DNAJC16: variants seen among roughly 807,000 people sequenced by gnomAD.
The protein encoded by DNAJC16 is dnaJ homolog subfamily C member 16.
DNAJC16 carries 76 observed loss-of-function variants against 92.7 expected under a neutral mutation model. That is an observed-to-expected ratio of 0.82 (90% CI 0.68 to 0.99). The LOEUF (loss-of-function observed/expected upper bound fraction) is 0.99, where lower values mean the gene tolerates loss of function less well. Ranked by LOEUF, DNAJC16 falls within the 50% of genes least tolerant of loss-of-function variation. The pLI is 0.00. For synonymous variants in DNAJC16, 328 were observed against 358.7 expected (o/e 0.91, Z 0.97); for missense variants, 869 against 942.4 (o/e 0.92, Z 1.02).
At position 15,568,893 on chromosome 1, in the gene DNAJC16, C is replaced by T. The variant is rs983136737; in HGVS notation, c.*716C>T. 1.3e-5 allele frequency: 5 copies of T among 393,742 alleles called. No homozygotes were observed. The highest frequency in any genetic ancestry group is 4.4e-5 in the Admixed American group (1 of 22,542). The allele number at this position is 393,742 out of a possible 1,614,324, so 24.4% of individuals were successfully genotyped here. A position where few individuals can be genotyped will look rare whatever the true frequency, so the allele number is the denominator to read the frequency against. ...TGAGACACGCTGTGAGCATCCCATC[C>T]GCCGCCCCAGCGCTGCTGGTAGCCA... On this transcript the variant is annotated 3_prime_UTR_variant, in exon 15 of 15. Coordinates refer to ENST00000375847, the MANE Select transcript of DNAJC16 (RefSeq NM_015291.4).
rs1234719782 is a variant in DNAJC16 at position 15,552,754 on chromosome 1, T to TTTA, written c.1023+4338_1023+4340dup. Among the ~76,000 whole-genome samples, 26 of 150,960 alleles carry TTTA rather than the reference T, an allele frequency of 1.7e-4. 1 individual carries two copies. Among genetic ancestry groups the TTTA allele is most frequent in the Non-Finnish European group, 2.5e-4 (17 of 67,736 alleles). ...GATATGCCTACCTGTTATGTGTCTT[T>TTTA]TTATTATTATTATTTATTTTTTTTT... On this transcript the variant is annotated intron_variant, in intron 7 of 14. Coordinates refer to ENST00000375847, the MANE Select transcript of DNAJC16 (RefSeq NM_015291.4).
chr1:15,534,064 C>T (rs551464616), intron 2 of DNAJC16, among the ~76,000 whole-genome samples, 173 bp from the exon 3 acceptor site: 2 of 152,310 alleles, frequency 1.3e-5, no homozygotes, highest in East Asian at 3.9e-4. Context: ...TTCAAAGTTT[C>T]ATTTATTATA....
intron 2 of DNAJC16, 75 bp downstream of exon 2, chr1:15,529,347 A>G: frequency 7.1e-7 from 1 of 1,414,234 alleles, no homozygotes; most frequent in Non-Finnish European, 9.6e-7. Flanking sequence ...AATTATGACT[A>G]GCTTTTATTT....
rs116012414 is a variant in DNAJC16, at chr1:15,550,831, C to T, written c.1023+2403C>T. Among the ~76,000 whole-genome samples, 1,305 of 152,300 alleles carry T rather than the reference C, an allele frequency of 8.6e-3. 19 individuals are homozygous for T. Among genetic ancestry groups the T allele is most frequent in the African/African-American group, 0.029 (1,189 of 41,568 alleles). ...ATTGTGTGCTTCACCCCCAATCACT[C>T]GCAGCAAAAACAAACCACTAGATTC... On this transcript the variant is annotated intron_variant, in intron 7 of 14. Transcript: ENST00000375847.
intron 14 of DNAJC16, 69 bp from the exon 15 acceptor site, chr1:15,567,709 G>C: frequency 6.8e-7 from 1 of 1,462,466 alleles, no homozygotes; most frequent in Non-Finnish European, 9.3e-7. Flanking sequence ...TCTCACTGGG[G>C]TATTTATTTT....
chr1:15,547,761 A>G (rs1198103419), intron 6 of DNAJC16, among the ~76,000 whole-genome samples: 1 of 152,056 alleles, frequency 6.6e-6, no homozygotes, highest in Non-Finnish European at 1.5e-5. Flanking sequence ...GTTTGCATAG[A>G]GCAAGATACT....
intron 4 of DNAJC16, among the ~76,000 whole-genome samples, chr1:15,537,570 G>A (rs563815205): frequency 2.8e-4 from 42 of 152,210 alleles, no homozygotes; most frequent in African/African-American, 9.1e-4. Context: ...AGATACCTTC[G>A]TTTGAAACTT....
chr1:15,537,623 C>T (rs773718115), intron 4 of DNAJC16, among the ~76,000 whole-genome samples: 1 of 152,110 alleles, frequency 6.6e-6, no homozygotes, highest in Non-Finnish European at 1.5e-5. Context: ...GTATTAGACA[C>T]TAAAGGATAT....
intron 7 of DNAJC16, among the ~76,000 whole-genome samples, chr1:15,555,960 C>A (rs1469067211): frequency 1.4e-5 from 2 of 144,924 alleles, no homozygotes; most frequent in Non-Finnish European, 3.0e-5. Context: ...CATTGCACTT[C>A]AGCCTGGGCA....
chr1:15,532,371 A>G (rs1710680289), intron 2 of DNAJC16, among the ~76,000 whole-genome samples: 2 of 152,182 alleles, frequency 1.3e-5, no homozygotes, highest in Non-Finnish European at 2.9e-5. Context: ...GCATTGGACA[A>G]TACTTTCCTA....
intron 3 of DNAJC16, 29 bp downstream of exon 3, chr1:15,534,332 A>G (rs778852839): frequency 1.2e-6 from 2 of 1,609,792 alleles, no homozygotes; most frequent in East Asian, 2.2e-5. Flanking sequence ...TGATGCATCC[A>G]TTAGCTCTTA....
Position 15,546,753 on chromosome 1 carries a change from A to C in DNAJC16, c.760-14A>C. On this transcript the variant is annotated splice_polypyrimidine_tract_variant and intron_variant, in intron 5 of 14. Transcript: ENST00000375847. ...AATTAAATATTGAGACTAACATTCT[A>C]TTTTCAATTTAAGGTTACAAATAAA... is the stretch of plus-strand genomic sequence containing the variant. The C allele has an allele frequency of 1.3e-6, 2 of 1,587,804 alleles. No homozygotes were observed. The highest frequency in any genetic ancestry group is 1.1e-5 in the South Asian group (1 of 89,730).
In DNAJC16 at chr1:15,571,294, A is replaced by T. The variant is rs1298117646; in HGVS notation, c.*3117A>T. The T allele has an allele frequency of 5.3e-5, 8 of 152,268 alleles. No homozygotes were observed. Among genetic ancestry groups the T allele is most frequent in the Admixed American group, 5.2e-4 (8 of 15,274 alleles). The allele number at this position is 152,268 out of a possible 1,614,324, so 9.4% of individuals were successfully genotyped here. Reference sequence around the variant, plus strand: ...ATCATTACATAAATATTTTTCTGTTATAAAAAGAAGTGTGATCTGTTTTTT... The same window carrying T: ...ATCATTACATAAATATTTTTCTGTTTTAAAAAGAAGTGTGATCTGTTTTTT... On this transcript the variant is annotated 3_prime_UTR_variant, in exon 15 of 15. Coordinates refer to ENST00000375847, the MANE Select transcript of DNAJC16 (RefSeq NM_015291.4).
chr1:15,553,066 G>A (rs1411742095), intron 7 of DNAJC16, among the ~76,000 whole-genome samples: 4 of 151,594 alleles, frequency 2.6e-5, no homozygotes, highest in Non-Finnish European at 4.4e-5. Context: ...CACCGCGCCC[G>A]GCCTGTCTAT....
intron 6 of DNAJC16, among the ~76,000 whole-genome samples, 169 bp from the exon 7 acceptor site, chr1:15,548,101 G>A (rs1010560012): frequency 1.7e-4 from 26 of 152,076 alleles, no homozygotes; most frequent in African/African-American, 6.3e-4. Flanking sequence ...TACAGTTTTT[G>A]CACATGGAAC....
intron 3 of DNAJC16, among the ~76,000 whole-genome samples, 192 bp downstream of exon 3, chr1:15,534,495 G>A (rs1381355810): frequency 1.3e-5 from 2 of 152,070 alleles, no homozygotes; most frequent in African/African-American, 4.8e-5. Context: ...AGGCCGAGGT[G>A]GGTGGATCAC....
At chr1:15,543,373 G>A (rs1438947486) in intron 4 of DNAJC16, among the ~76,000 whole-genome samples, 2 of 152,214 alleles carry the variant, frequency 1.3e-5, no homozygotes, top group South Asian at 2.1e-4. Context: ...CAGGCTGAAG[G>A]AACAGCCAAG....
rs553455862 is a variant in DNAJC16, at chr1:15,568,779, TGAAAA to T, written c.*604_*608del. 197 of 398,400 alleles carry T rather than the reference TGAAAA, an allele frequency of 4.9e-4. 2 individuals carry two copies. The highest frequency in any genetic ancestry group is 8.2e-4 in the Non-Finnish European group (186 of 226,124). 24.7% of individuals were successfully genotyped at this position (398,400 alleles called of 1,614,324 possible). A position where few individuals can be genotyped will look rare whatever the true frequency, so the allele number is the denominator to read the frequency against. On this transcript the variant is annotated 3_prime_UTR_variant, in exon 15 of 15. Coordinates refer to ENST00000375847, the MANE Select transcript of DNAJC16 (RefSeq NM_015291.4). ...CAACAACAGTTTGTTGGCCACAGGT[TGAAAA>T]GGAAAGGAATAAACGGGAGTTCTGC...
chr1:15,564,196 G>A, intron 10 of DNAJC16, 85 bp downstream of exon 10: 2 of 1,560,692 alleles, frequency 1.3e-6, no homozygotes, highest in Middle Eastern at 1.7e-4. Flanking sequence ...TCAGAGCAGA[G>A]GTCCAGCAGC....
Sources: allele counts gnomAD v4.1 joint callset (sites outside exome capture counted in the v4.1 genomes callset), GRCh38; gene constraint gnomAD v4.1.1; transcripts MANE v1.5; gene names NCBI Gene and HGNC (gene_info 2026-07-23, HGNC 2026-07-21).